PLXNB2: variants seen among roughly 807,000 people sequenced by gnomAD.
The protein encoded by PLXNB2 is plexin-B2.
Under a neutral mutation model 202.6 loss-of-function variants are expected in PLXNB2, and 85 were observed. That is an observed-to-expected ratio of 0.42 (90% CI 0.35 to 0.50). PLXNB2 has a LOEUF of 0.50. Ranked by LOEUF, PLXNB2 falls within the 20% of genes least tolerant of loss-of-function variation. The pLI is 0.02. For missense variants in PLXNB2, 2,063 were observed against 2,586.2 expected, an observed-to-expected ratio of 0.80 and a Z score of 4.39; for synonymous variants, 1,239 against 1,137.6, an observed-to-expected ratio of 1.09 and a Z score of -1.79.
At chr22:50,307,252 CTGAAGAGT>C (rs1442707013) in intron 1 of PLXNB2, among the ~76,000 whole-genome samples, 1 of 152,088 alleles carries the variant, frequency 6.6e-6, no homozygotes, top group Non-Finnish European at 1.5e-5. Flanking sequence ...AGCTCGGCGG[CTGAAGAGT>C]GAGAGGCAGG....
At chr22:50,306,266 T>C (rs908782796) in intron 1 of PLXNB2, among the ~76,000 whole-genome samples, 1 of 152,146 alleles carries the variant, frequency 6.6e-6, no homozygotes, top group Admixed American at 6.5e-5. Flanking sequence ...CCCCCATAGG[T>C]ACCGTGGGAG....
chr22:50,276,016 G>C, intron 35 of PLXNB2, 53 bp from the exon 36 acceptor site: 1 of 1,515,418 alleles, frequency 6.6e-7, no homozygotes, highest in Non-Finnish European at 9.2e-7. Flanking sequence ...GAGCCCCAGG[G>C]CTGGCAGGAG....
chr22:50,300,638 G>A (rs553708792), intron 1 of PLXNB2, among the ~76,000 whole-genome samples: 1 of 152,330 alleles, frequency 6.6e-6, no homozygotes, highest in Admixed American at 6.5e-5. Flanking sequence ...CTGGACTCTC[G>A]GCTGAGGACC....
Position 50,275,965 on chromosome 22 carries a change from T to TG in PLXNB2, c.5338-3dup, listed in dbSNP as rs1419285148. 1.2e-6 allele frequency: 2 copies of TG among 1,612,194 alleles called. No individual in the cohort carries two copies. On this transcript the variant is annotated splice_region_variant and splice_polypyrimidine_tract_variant and intron_variant, in intron 35 of 36. Transcript: ENST00000359337. ...GGTGTTCAAGGAGTCCGTGTGCGCC[T>TG]GGGGGGTGACGGGACAGTCAGGGTG...
At chr22:50,277,819 G>C (rs768833161) in intron 32 of PLXNB2, 34 bp downstream of exon 32, 2 of 1,606,488 alleles carry the variant, frequency 1.2e-6, no homozygotes, top group South Asian at 1.1e-5. Flanking sequence ...AGGCGGAGCC[G>C]GGGCTGGGCC....
rs747791337 is a variant in PLXNB2, at chr22:50,285,843, T to G, written c.2045A>C (p.Glu682Ala). The G allele has an allele frequency of 4.3e-6, 7 of 1,612,928 alleles. No individual in the cohort carries two copies. The highest frequency in any genetic ancestry group is 5.9e-6 in the Non-Finnish European group (7 of 1,179,882). The stretch of plus-strand genomic sequence containing the variant: ...CTTGCCCTGGAAGTTCACATCTGTC[T>G]CGTGGTTCATGGGGATCACCAGGGG... ...PSPLVIPMNH[E>A]TDVNFQGKNL... The change falls in exon 11 of 37, where the codon GAG becomes GCG. Residue 682 changes from glutamate to alanine, a missense_variant. This residue lies in a region of PLXNB2 where 1,303 missense variants were observed against 1,476.8 expected (regional missense o/e 0.88). Transcript: ENST00000359337.
intron 1 of PLXNB2, among the ~76,000 whole-genome samples, chr22:50,303,336 G>C (rs945064669): frequency 2.0e-5 from 3 of 152,220 alleles, no homozygotes; most frequent in Non-Finnish European, 4.4e-5. Flanking sequence ...AGCAGGGCAG[G>C]GGGGTTCCTC....
At chr22:50,294,666 C>T (rs1166012083) in intron 2 of PLXNB2, 53 bp downstream of exon 2, 1 of 829,642 alleles carries the variant, frequency 1.2e-6, no homozygotes, top group Non-Finnish European at 1.5e-6. Context: ...CCTCCGGCCT[C>T]CCTGTCCACA....
In PLXNB2 at chr22:50,282,693, G is replaced by A; in HGVS notation, c.2987+18C>T. The stretch of plus-strand genomic sequence containing the variant: ...TGGGTGTGGGGAGCAGAGGGGGGCG[G>A]GGGGACACCAGCCTCACCTGGCAAA... On this transcript the variant is annotated intron_variant, in intron 18 of 36. Coordinates refer to ENST00000359337, the MANE Select transcript of PLXNB2 (RefSeq NM_012401.4). The A allele has an allele frequency of 6.4e-7, 1 of 1,574,718 alleles. No individual in the cohort carries two copies. The highest frequency in any genetic ancestry group is 8.7e-7 in the Non-Finnish European group (1 of 1,154,232).
intron 2 of PLXNB2, among the ~76,000 whole-genome samples, chr22:50,293,969 C>T (rs2067078715): frequency 6.6e-6 from 1 of 152,250 alleles, no homozygotes; most frequent in Non-Finnish European, 1.5e-5. Context: ...GCTGGGGTGA[C>T]ACCCTACAGG....
At position 50,284,748 on chromosome 22, in the gene PLXNB2, G is replaced by C; in HGVS notation, c.2089-83C>G. The stretch of plus-strand genomic sequence containing the variant: ...CCAGAACCCCTGCAGCCCCTCCTCT[G>C]TGCCTACAGTGTGGGAGCCCTCTCC... On this transcript the variant is annotated intron_variant, in intron 11 of 36. Coordinates refer to ENST00000359337, the MANE Select transcript of PLXNB2 (RefSeq NM_012401.4). This position sits in a 1 kb window ranked among gnomAD's most constrained non-coding sequence, Gnocchi z 8.0. 2.9e-6 allele frequency: 3 copies of C among 1,017,752 alleles called. No homozygotes were observed. The South Asian group carries it at 3.8e-5, about 13-fold the overall frequency. The allele number at this position is 1,017,752 out of a possible 1,614,324, so 63.0% of individuals were successfully genotyped here.
At position 50,297,977 on chromosome 22, in the gene PLXNB2, C is replaced by A. The variant is rs1017099307; in HGVS notation, c.-73-3199G>T. Among the ~76,000 whole-genome samples the A allele has an allele frequency of 6.6e-5, 10 of 152,202 alleles. No homozygotes were observed. Among genetic ancestry groups the A allele is most frequent in the Non-Finnish European group, 7.3e-5 (5 of 68,038 alleles). On this transcript the variant is annotated intron_variant, in intron 1 of 36. Transcript: ENST00000359337. This position sits in a 1 kb window ranked among gnomAD's most constrained non-coding sequence, Gnocchi z 5.3. ...TGCTCCCTGGAAAGCCCCTGCCCAT[C>A]CTTTAGACCCCGAGACACCCTCCCT...
intron 1 of PLXNB2, among the ~76,000 whole-genome samples, chr22:50,304,781 C>T (rs1430522856): frequency 6.7e-6 from 1 of 149,852 alleles, no homozygotes; most frequent in Non-Finnish European, 1.5e-5. Context: ...GGGGCTGTGG[C>T]CAGTCCCAGC....
At position 50,281,992 on chromosome 22, in the gene PLXNB2, G is replaced by T. The variant is rs1409022377; in HGVS notation, c.3207C>A (p.Leu1069=). 1 of 1,613,106 alleles carries T rather than the reference G, an allele frequency of 6.2e-7. No homozygotes were observed. The highest frequency in any genetic ancestry group is 1.1e-5 in the South Asian group (1 of 91,088). Residue 1069 remains leucine, a synonymous_variant, in exon 20 of 37, where the codon CTC becomes CTA. Transcript: ENST00000359337. ...AVPEEPEAYN[L]TVLIEMDGHR... ...GCCCGTCCATCTCGATCAGCACCGT[G>T]AGGTTGTAGGCCTCTGGCTCCTCAG... is the stretch of plus-strand genomic sequence containing the variant.
intron 16 of PLXNB2, 72 bp from the exon 17 acceptor site, chr22:50,283,258 C>T: frequency 2.5e-6 from 4 of 1,605,332 alleles, no homozygotes; most frequent in East Asian, 4.5e-5. Context: ...TGGATGGTAA[C>T]TGTCGTGGGG....
chr22:50,301,864 C>T (rs916334651), intron 1 of PLXNB2, among the ~76,000 whole-genome samples: 36 of 152,376 alleles, frequency 2.4e-4, no homozygotes, highest in African/African-American at 8.4e-4. Flanking sequence ...TAGCTTGGGG[C>T]ACCGCGCCAA....
intron 1 of PLXNB2, among the ~76,000 whole-genome samples, chr22:50,302,428 G>T (rs145268680): frequency 1.4e-4 from 22 of 152,258 alleles, no homozygotes; most frequent in African/African-American, 5.1e-4. Flanking sequence ...CTTGCTCCAC[G>T]CGGAGGCTTG....
chr22:50,280,975 T>TG lies in PLXNB2; in HGVS notation c.3764-3dup, dbSNP rs1240848273. The TG allele has an allele frequency of 8.7e-6, 14 of 1,612,582 alleles. No homozygotes were observed. Among genetic ancestry groups the TG allele is most frequent in the Admixed American group, 1.7e-5 (1 of 60,008 alleles). On this transcript the variant is annotated splice_region_variant and splice_polypyrimidine_tract_variant and intron_variant, in intron 23 of 36. Coordinates refer to ENST00000359337, the MANE Select transcript of PLXNB2 (RefSeq NM_012401.4). ...GGTCCTCCATCTCGATCATCAGGTC[T>TG]GGGGGGAGGCTGGCGTGAGACGTCC...
chr22:50,279,606 G>A, intron 27 of PLXNB2, 24 bp downstream of exon 27: 2 of 1,611,670 alleles, frequency 1.2e-6, no homozygotes, highest in Non-Finnish European at 1.7e-6. Context: ...GGCGCCCATG[G>A]CGGCCCCCAC....
Sources: gnomAD v4.1 joint callset for allele counts (sites outside exome capture counted in the v4.1 genomes callset) on GRCh38, gnomAD v4.1.1 for gene constraint, gnomAD v4.1.1 regional missense constraint, Gnocchi (gnomAD v3.1) non-coding constraint, MANE v1.5 for transcripts, NCBI Gene and HGNC (gene_info 2026-07-23, HGNC 2026-07-21) for gene names.